The following SMYD3 variants were observed in gnomAD, a reference collection of about 807,000 sequenced individuals.
SMYD3 encodes SET and MYND domain containing 3.
A neutral mutation model predicts 57.7 loss-of-function variants in SMYD3; 36 were observed. The ratio of observed to expected loss-of-function variants is 0.62; its 90% CI spans 0.48 to 0.82. The LOEUF is 0.82. SMYD3 is among the 40% of genes least tolerant of loss of function. The probability of loss-of-function intolerance (pLI) is 0.00; values close to 1 mark genes in which losing one functional copy is unlikely to be tolerated. For synonymous variants in SMYD3, 211 were observed against 195.0 expected (o/e 1.08, Z -0.68); for missense variants, 515 against 538.8 (o/e 0.96, Z 0.44).
intron 1 of SMYD3, among the ~76,000 whole-genome samples, chr1:246,362,716 G>C (rs983409022): frequency 6.6e-6 from 1 of 152,270 alleles, no homozygotes; most frequent in East Asian, 1.9e-4. Flanking sequence ...GCCAGCCTCG[G>C]CCTCCCGGAG....
At chr1:246,210,920 C>G (rs1485902229) in intron 5 of SMYD3, among the ~76,000 whole-genome samples, 1 of 152,068 alleles carries the variant, frequency 6.6e-6, no homozygotes, top group Non-Finnish European at 1.5e-5. Flanking sequence ...GCACTGCTTT[C>G]GGCCCCGCAT....
chr1:246,456,664 T>C (rs1426277606), intron 1 of SMYD3, among the ~76,000 whole-genome samples: 1 of 152,276 alleles, frequency 6.6e-6, no homozygotes, highest in Non-Finnish European at 1.5e-5. Flanking sequence ...CATAAGACTG[T>C]TTCTTTGTCC....
In SMYD3 at chr1:246,386,046, G is replaced by A. The variant is rs538399531; in HGVS notation, c.165-30952C>T. On this transcript the variant is annotated intron_variant, in intron 1 of 11. Transcript: ENST00000490107. The stretch of plus-strand genomic sequence containing the variant: ...TGGGACTACAGGCACCTGCCACCAC[G>A]CCCAGCTAATTTTTTGTATTTTTAG... 7.2e-5 allele frequency among the ~76,000 whole-genome samples: 11 copies of A among 152,044 alleles called. No homozygotes were observed. The East Asian group carries it at 1.2e-3, about 16-fold the overall frequency.
intron 5 of SMYD3, among the ~76,000 whole-genome samples, chr1:246,153,906 C>G (rs1375244177): frequency 6.6e-6 from 1 of 152,324 alleles, no homozygotes; most frequent in East Asian, 1.9e-4. Flanking sequence ...CCCCAAATTT[C>G]CAACCTCTCA....
chr1:246,345,197 T>C (rs2148687484), intron 2 of SMYD3, among the ~76,000 whole-genome samples: 1 of 152,358 alleles, frequency 6.6e-6, no homozygotes, highest in Admixed American at 6.5e-5. Flanking sequence ...TTTATAGTTT[T>C]AGCCTTTAAG....
intron 5 of SMYD3, among the ~76,000 whole-genome samples, chr1:246,041,086 T>C (rs367623697): frequency 1.3e-5 from 2 of 152,192 alleles, no homozygotes; most frequent in South Asian, 2.1e-4. Context: ...TAACCTTGTG[T>C]TAAAATTGCC....
chr1:245,920,402 T>C (rs1245461760), intron 7 of SMYD3, among the ~76,000 whole-genome samples: 1 of 151,964 alleles, frequency 6.6e-6, no homozygotes, highest in Non-Finnish European at 1.5e-5. Context: ...GTTATGAATG[T>C]TTCTGTTAAT....
intron 5 of SMYD3, among the ~76,000 whole-genome samples, chr1:245,980,276 C>T (rs1397663285): frequency 6.6e-6 from 1 of 152,198 alleles, no homozygotes; most frequent in Non-Finnish European, 1.5e-5. Flanking sequence ...CTTTTGCTCT[C>T]CTTGCACATG....
chr1:246,057,777 T>C (rs1210363651), intron 5 of SMYD3, among the ~76,000 whole-genome samples: 1 of 152,238 alleles, frequency 6.6e-6, no homozygotes, highest in East Asian at 1.9e-4. Context: ...TAAAAACTTA[T>C]GTCCACACAA....
chr1:246,493,111 A>G (rs554561935), intron 1 of SMYD3, among the ~76,000 whole-genome samples: 1 of 152,218 alleles, frequency 6.6e-6, no homozygotes, highest in Admixed American at 6.5e-5. Flanking sequence ...ATATCACTTT[A>G]AATAGGCAAA....
chr1:245,980,500 G>A (rs1329006459), intron 5 of SMYD3, among the ~76,000 whole-genome samples: 1 of 152,214 alleles, frequency 6.6e-6, no homozygotes, highest in African/African-American at 2.4e-5. Flanking sequence ...GCTAGCATGG[G>A]AGCAGGAATT....
intron 11 of SMYD3, among the ~76,000 whole-genome samples, chr1:245,753,509 TCTGGTCCTTGTCTTGAACATCAC>T (rs1187073497): frequency 1.3e-5 from 2 of 152,188 alleles, no homozygotes; most frequent in Admixed American, 1.3e-4. Context: ...GATGAGGACA[TCTGGTCCTTGTCTTGAACATCAC>T]CTGGGCCTAT....
intron 5 of SMYD3, among the ~76,000 whole-genome samples, chr1:246,319,574 C>G (rs911690463): frequency 2.0e-5 from 3 of 152,118 alleles, no homozygotes; most frequent in Admixed American, 6.5e-5. Context: ...TAGCAGGCTA[C>G]AGCAGTGAAA....
intron 5 of SMYD3, among the ~76,000 whole-genome samples, chr1:246,010,374 CAG>C (rs2059260558): frequency 6.6e-6 from 1 of 152,112 alleles, no homozygotes; most frequent in Non-Finnish European, 1.5e-5. Flanking sequence ...CTTCTCCATG[CAG>C]AGAAAGACCT....
chr1:246,101,063 G>GTTTTTTTTTTTT (rs1558228762), intron 5 of SMYD3, among the ~76,000 whole-genome samples: 1 of 92,954 alleles, frequency 1.1e-5, no homozygotes. Context: ...TATTTTTAGG[G>GTTTTTTTTTTTT]GTTTTTTGTT....
intron 5 of SMYD3, among the ~76,000 whole-genome samples, chr1:246,001,682 T>C (rs944074677): frequency 6.6e-6 from 1 of 152,254 alleles, no homozygotes; most frequent in Non-Finnish European, 1.5e-5. Flanking sequence ...ATGTTTTCCA[T>C]GATCCTCTTT....
At chr1:246,450,299 A>C (rs1280701888) in intron 1 of SMYD3, among the ~76,000 whole-genome samples, 1 of 152,150 alleles carries the variant, frequency 6.6e-6, no homozygotes, top group African/African-American at 2.4e-5. Context: ...CTCAAAAAAA[A>C]AAAACTCATC....
chr1:246,222,829 T>C (rs1043583037), intron 5 of SMYD3, among the ~76,000 whole-genome samples: 50 of 152,146 alleles, frequency 3.3e-4, no homozygotes, highest in African/African-American at 9.7e-4. Context: ...TGGGTCACCA[T>C]GCGGTTTAGA....
At chr1:245,777,533 C>T (rs1417293770) in intron 10 of SMYD3, among the ~76,000 whole-genome samples, 4 of 152,114 alleles carry the variant, frequency 2.6e-5, no homozygotes, top group Admixed American at 6.5e-5. Context: ...ACCAACTCTC[C>T]GTATCACCTG....
Sources: gnomAD v4.1 joint callset for allele counts (sites outside exome capture counted in the v4.1 genomes callset) on GRCh38, gnomAD v4.1.1 for gene constraint, MANE v1.5 for transcripts, NCBI Gene and HGNC (gene_info 2026-07-23, HGNC 2026-07-21) for gene names.